Variants in CREM observed in about 807,000 individuals in gnomAD.
CREM encodes cAMP-responsive element modulator.
CREM carries 13 observed loss-of-function variants against 37.3 expected under a neutral mutation model. That is an observed-to-expected ratio of 0.35 (90% CI 0.23 to 0.55). CREM has a LOEUF of 0.55. Ranked by LOEUF, CREM falls within the 20% of genes least tolerant of loss-of-function variation. The pLI is 0.88. For synonymous variants in CREM, 124 were observed against 120.2 expected (o/e 1.03, Z -0.21); for missense variants, 296 against 362.3 (o/e 0.82, Z 1.49).
intron 3 of CREM, chr10:35,158,568 C>A (rs1023070406): frequency 1.2e-5 from 2 of 163,912 alleles, no homozygotes; most frequent in South Asian, 3.1e-4. Context: ...AGGATGAAGT[C>A]TTGAATAACC....
intron 6 of CREM, among the ~76,000 whole-genome samples, chr10:35,202,178 A>G (rs1288430432): frequency 6.6e-6 from 1 of 152,218 alleles, no homozygotes; most frequent in African/African-American, 2.4e-5. Flanking sequence ...AAAGTAATTT[A>G]GACACTTTCA....
At chr10:35,163,045 C>G (rs78173401) in intron 3 of CREM, among the ~76,000 whole-genome samples, 4 of 144,396 alleles carry the variant, frequency 2.8e-5, no homozygotes, top group Admixed American at 1.4e-4. Flanking sequence ...TCCATCTCTA[C>G]AAAAAAAAAA....
intron 2 of CREM, among the ~76,000 whole-genome samples, chr10:35,145,221 C>G (rs2091935671): frequency 6.6e-6 from 1 of 151,748 alleles, no homozygotes; most frequent in Non-Finnish European, 1.5e-5. Flanking sequence ...CTTTCCAGCC[C>G]TATTTGTACC....
At chr10:35,206,460 G>A (rs973564002) in intron 6 of CREM, among the ~76,000 whole-genome samples, 1 of 152,036 alleles carries the variant, frequency 6.6e-6, no homozygotes, top group Admixed American at 6.6e-5. Context: ...CCAACTCTAC[G>A]CTCAGGAAAG....
Position 35,179,117 on chromosome 10 carries a change from G to A in CREM, c.267-17G>A. 1.2e-6 allele frequency: 2 copies of A among 1,601,418 alleles called. No individual in the cohort carries two copies. Among genetic ancestry groups the A allele is most frequent in the South Asian group, 2.2e-5 (2 of 89,464 alleles). On this transcript the variant is annotated splice_polypyrimidine_tract_variant and intron_variant, in intron 4 of 7. Transcript: ENST00000685392. ...TTCATGTATCTTAGTGACTTACCTT[G>A]TTAAATTGTATTTTAGGAAAATACT...
intron 1 of CREM, among the ~76,000 whole-genome samples, chr10:35,136,542 T>A (rs2090552313): frequency 6.6e-6 from 1 of 152,190 alleles, no homozygotes; most frequent in Non-Finnish European, 1.5e-5. Flanking sequence ...GTCCCTATGC[T>A]GGGGGCACAT....
intron 6 of CREM, chr10:35,196,387 G>A (rs1164573325): frequency 2.3e-6 from 1 of 429,514 alleles, no homozygotes; most frequent in African/African-American, 2.0e-5. Flanking sequence ...ACCTTTGTGT[G>A]CTTGCAGTGT....
At chr10:35,150,037 T>C (rs2092477774) in intron 3 of CREM, among the ~76,000 whole-genome samples, 1 of 152,162 alleles carries the variant, frequency 6.6e-6, no homozygotes, top group Admixed American at 6.5e-5. Context: ...ATTTAATCAT[T>C]GTTAACATTT....
intron 3 of CREM, chr10:35,154,642 A>G (rs995154721): frequency 2.0e-5 from 3 of 152,124 alleles, no homozygotes; most frequent in African/African-American, 7.2e-5. Flanking sequence ...TTTATCTGTT[A>G]CACAGAACAT....
In CREM at chr10:35,167,781, C is replaced by G. The variant is rs1234324992; in HGVS notation, c.169-11108C>G. The G allele has an allele frequency of 1.9e-6, 3 of 1,614,040 alleles. No homozygotes were observed. In the Admixed American group the frequency reaches 5.0e-5, roughly 27 times the overall value. ...AGGCGTCCTATAGAAGAGGATTATT[C>G]TTCAGGGGATGTGGAAGAAAAGGTA... On this transcript the variant is annotated intron_variant, in intron 3 of 7. Coordinates refer to ENST00000685392, the MANE Select transcript of CREM (RefSeq NM_183011.2).
intron 3 of CREM, among the ~76,000 whole-genome samples, chr10:35,173,869 G>A (rs890083596): frequency 2.0e-5 from 3 of 152,184 alleles, no homozygotes; most frequent in African/African-American, 4.8e-5. Context: ...TTTTAAGAGT[G>A]TAAAGATGCC....
intron 3 of CREM, 42 bp downstream of exon 3, chr10:35,148,533 A>G (rs1228053682): frequency 1.3e-6 from 2 of 1,583,586 alleles, no homozygotes; most frequent in East Asian, 4.6e-5. Context: ...AAATATATGG[A>G]AATGAGAATT....
At chr10:35,128,863 T>A (rs1362786118) in intron 1 of CREM, among the ~76,000 whole-genome samples, 2 of 152,172 alleles carry the variant, frequency 1.3e-5, no homozygotes, top group African/African-American at 2.4e-5. Context: ...GGATAAACTT[T>A]CCCTTCCTAA....
chr10:35,184,051 G>C (rs966478472), intron 5 of CREM, among the ~76,000 whole-genome samples: 1 of 152,180 alleles, frequency 6.6e-6, no homozygotes, highest in Non-Finnish European at 1.5e-5. Context: ...TTCAGCCTGG[G>C]CGAGAAGAGT....
intron 6 of CREM, among the ~76,000 whole-genome samples, chr10:35,201,158 A>G (rs1324816852): frequency 6.6e-6 from 1 of 152,228 alleles, no homozygotes; most frequent in Non-Finnish European, 1.5e-5. Context: ...AGTTTTTAAT[A>G]GGCATATTTT....
intron 1 of CREM, among the ~76,000 whole-genome samples, chr10:35,133,666 A>G (rs992768509): frequency 1.3e-5 from 2 of 152,252 alleles, no homozygotes; most frequent in Non-Finnish European, 2.9e-5. Context: ...CATTCAACTT[A>G]GTCTTCAGAG....
chr10:35,191,086 T>TTTTATTTATTTA (rs10528009), intron 6 of CREM, among the ~76,000 whole-genome samples: 7,605 of 148,018 alleles, frequency 0.051, 481 homozygotes, highest in African/African-American at 0.15. Context: ...ACATTTTTCT[T>TTTTATTTATTTA]TTTATTTATT....
At chr10:35,159,976 G>C (rs761273085) in intron 3 of CREM, among the ~76,000 whole-genome samples, 1 of 152,026 alleles carries the variant, frequency 6.6e-6, no homozygotes, top group African/African-American at 2.4e-5. Context: ...TTAACAACAG[G>C]TCTACATTTT....
intron 3 of CREM, among the ~76,000 whole-genome samples, chr10:35,150,693 C>A (rs1007798080): frequency 1.3e-5 from 2 of 151,854 alleles, no homozygotes; most frequent in African/African-American, 2.4e-5. Flanking sequence ...TGGTGGCACA[C>A]GCCTGTAGTC....
Sources: gnomAD v4.1 joint callset for allele counts (sites outside exome capture counted in the v4.1 genomes callset) on GRCh38, gnomAD v4.1.1 for gene constraint, MANE v1.5 for transcripts, NCBI Gene and HGNC (gene_info 2026-07-23, HGNC 2026-07-21) for gene names.